The following COX4I2 variants were observed in gnomAD, a reference collection of about 807,000 sequenced individuals.
COX4I2 encodes the protein cytochrome c oxidase subunit 4 isoform 2, mitochondrial.
COX4I2 carries 15 observed loss-of-function variants against 20.8 expected under a neutral mutation model. The ratio of observed to expected loss-of-function variants is 0.72; its 90% CI spans 0.48 to 1.11. The LOEUF is 1.11. Among genes scored for constraint, COX4I2 ranks in the 50% most tolerant of loss-of-function variants. The pLI is 0.00. For missense variants in COX4I2, 224 were observed against 223.0 expected (o/e 1.00, Z -0.03); for synonymous variants, 80 against 78.1 (o/e 1.02, Z -0.13).
chr20:31,639,339 C>A, intron 2 of COX4I2: 2 of 957,122 alleles, frequency 2.1e-6, no homozygotes, highest in Non-Finnish European at 1.2e-6. Flanking sequence ...CCCCAAGCCT[C>A]AGGCCCCTAG....
rs766818155 is a variant in COX4I2 at position 31,639,114 on chromosome 20, C to T, written c.82+15C>T. On this transcript the variant is annotated intron_variant, in intron 2 of 4. Transcript: ENST00000376075. The stretch of plus-strand genomic sequence containing the variant: ...AGAAGGCACCAGTGAGACCTGGACT[C>T]CTTCCTCCCTGCCTAACTCCAGAGA... The T allele has an allele frequency of 3.6e-5, 57 of 1,598,510 alleles. No individual in the cohort carries two copies. Among genetic ancestry groups the T allele is most frequent in the South Asian group, 1.6e-4 (14 of 88,172 alleles).
At chr20:31,638,263 C>T (rs1040875936) in intron 1 of COX4I2, among the ~76,000 whole-genome samples, 3 of 151,946 alleles carry the variant, frequency 2.0e-5, no homozygotes, top group Non-Finnish European at 2.9e-5. Flanking sequence ...CACTTATCAC[C>T]TGTAGTGTGC....
chr20:31,640,960 C>CACAA (rs917585973), intron 3 of COX4I2, among the ~76,000 whole-genome samples: 9 of 139,852 alleles, frequency 6.4e-5, no homozygotes, highest in African/African-American at 2.3e-4. Flanking sequence ...TTTCTACACA[C>CACAA]ACACACACAC....
At chr20:31,642,688 C>T (rs6060443) in intron 3 of COX4I2, among the ~76,000 whole-genome samples, 9 of 152,184 alleles carry the variant, frequency 5.9e-5, no homozygotes, top group African/African-American at 2.2e-4. Context: ...TCCACCACCT[C>T]GGCCTCCCAA....
intron 3 of COX4I2, among the ~76,000 whole-genome samples, chr20:31,640,873 A>C (rs998510424): frequency 1.3e-5 from 2 of 151,914 alleles, no homozygotes; most frequent in Non-Finnish European, 2.9e-5. Flanking sequence ...GCTGTGAGCC[A>C]GCCAGGCTCC....
Position 31,640,039 on chromosome 20 carries a change from C to T in COX4I2, c.189C>T (p.Ala63=). 1.2e-6 allele frequency: 2 copies of T among 1,613,758 alleles called. No individual in the cohort carries two copies. The highest frequency in any genetic ancestry group is 1.7e-6 in the Non-Finnish European group (2 of 1,180,006). ...CAGAACTCAACGCTGAGGAGCAGGC[C>T]CTGAAGGAGAAGGAGAAGGGAAGCT... ...FCTELNAEEQ[A]LKEKEKGSWT... The change falls in exon 3 of 5, where the codon GCC becomes GCT. Residue 63 remains alanine, a synonymous_variant. Coordinates refer to ENST00000376075, the MANE Select transcript of COX4I2 (RefSeq NM_032609.3).
At chr20:31,644,113 C>T (rs750972620) in intron 4 of COX4I2, among the ~76,000 whole-genome samples, 12 of 152,174 alleles carry the variant, frequency 7.9e-5, no homozygotes, top group Non-Finnish European at 1.3e-4. Context: ...GCCCGGTGGC[C>T]TGTCCCCATA....
At chr20:31,643,588 A>G in intron 4 of COX4I2, 53 bp downstream of exon 4, 1 of 1,610,038 alleles carries the variant, frequency 6.2e-7, no homozygotes, top group Non-Finnish European at 8.5e-7. Context: ...CCTTGTGGTC[A>G]CGGCCACCAG....
chr20:31,639,505 C>G (rs1685949537), intron 2 of COX4I2, among the ~76,000 whole-genome samples: 1 of 150,554 alleles, frequency 6.6e-6, no homozygotes, highest in African/African-American at 2.5e-5. Flanking sequence ...TGGAGAATAA[C>G]AAAGATAACA....
chr20:31,643,443 A>G lies in COX4I2; in HGVS notation c.287A>G (p.Asn96Ser). The change falls in exon 4 of 5, where the codon AAC (asparagine) becomes AGC (serine). Residue 96 changes from asparagine (N) to serine (S), a missense_variant. By Grantham distance (46) the Asn-to-Ser change is conservative. Coordinates refer to ENST00000376075, the MANE Select transcript of COX4I2 (RefSeq NM_032609.3). ...LQFNETFAEM[N>S]RRSNEWKTVM... ...TTCAATGAGACCTTTGCGGAGATGA[A>G]CCGTCGCTCCAATGAGTGGAAGACA... The G allele has an allele frequency of 6.2e-7, 1 of 1,614,192 alleles. No homozygotes were observed. Among genetic ancestry groups the G allele is most frequent in the Non-Finnish European group, 8.5e-7 (1 of 1,180,032 alleles).
chr20:31,638,239 G>A (rs924532934), intron 1 of COX4I2, among the ~76,000 whole-genome samples: 1 of 151,930 alleles, frequency 6.6e-6, no homozygotes, highest in Non-Finnish European at 1.5e-5. Context: ...CCAGAAGTGT[G>A]GGCCGCCCCC....
Position 31,640,025 on chromosome 20 carries a change from G to T in COX4I2, c.175G>T (p.Ala59Ser). Reference protein sequence around the residue: ...PEEPFCTELNAEEQALKEKEK... With the variant: ...PEEPFCTELNSEEQALKEKEK... The stretch of plus-strand genomic sequence containing the variant: ...AGAGCCCTTCTGCACAGAACTCAAC[G>T]CTGAGGAGCAGGCCCTGAAGGAGAA... The change falls in exon 3 of 5, where the codon GCT (alanine) becomes TCT (serine). Residue 59 changes from alanine to serine, a missense_variant. Coordinates refer to ENST00000376075, the MANE Select transcript of COX4I2 (RefSeq NM_032609.3). 2 of 1,613,928 alleles carry T rather than the reference G, an allele frequency of 1.2e-6. No individual in the cohort carries two copies.
chr20:31,643,410 G>A lies in COX4I2; in HGVS notation c.254G>A (p.Arg85Gln), dbSNP rs764600142. ...CACACCCAACTGCCTCCAGTGTACC[G>A]GCTCCAGTTCAATGAGACCTTTGCG... ...LTHAEKVALY[R>Q]LQFNETFAEM... Residue 85 changes from arginine to glutamine, a missense_variant, in exon 4 of 5, where the codon CGG becomes CAG. Physicochemically the swap from Arg to Gln is conservative, Grantham distance 43. Transcript: ENST00000376075. 2.5e-5 allele frequency: 40 copies of A among 1,614,082 alleles called. No individual in the cohort carries two copies. Among genetic ancestry groups the A allele is most frequent in the East Asian group, 1.1e-4 (5 of 44,890 alleles).
rs772324132 is a variant in COX4I2, at chr20:31,639,147, AG to A, written c.82+52del. On this transcript the variant is annotated intron_variant, in intron 2 of 4. Transcript: ENST00000376075. ...CCTGCCTAACTCCAGAGATAGGGGCAGGGGTCCCCTCTGCAGGCTGCCCCCT... is the reference window on the plus strand; with the variant it reads ...CCTGCCTAACTCCAGAGATAGGGGCAGGGTCCCCTCTGCAGGCTGCCCCCT... 3 of 1,569,482 alleles carry A rather than the reference AG, an allele frequency of 1.9e-6. No individual in the cohort carries two copies. The African/African-American group carries it at 4.0e-5, about 21-fold the overall frequency.
In COX4I2 at chr20:31,640,010, T is replaced by C. The variant is rs1273223678; in HGVS notation, c.160T>C (p.Cys54Arg). Residue 54 changes from cysteine (C) to arginine (R), a missense_variant, in exon 3 of 5, where the codon TGC (cysteine) becomes CGC (arginine). Physicochemically the swap from Cys to Arg is radical, Grantham distance 180. Coordinates refer to ENST00000376075, the MANE Select transcript of COX4I2 (RefSeq NM_032609.3). ...RYYPMPEEPF[C>R]TELNAEEQAL... ...CTACCCCATGCCAGAAGAGCCCTTC[T>C]GCACAGAACTCAACGCTGAGGAGCA... 1.2e-6 allele frequency: 2 copies of C among 1,614,046 alleles called. No individual in the cohort carries two copies. Among genetic ancestry groups the C allele is most frequent in the Admixed American group, 3.3e-5 (2 of 60,018 alleles).
At chr20:31,638,339 C>T (rs1210889933) in intron 1 of COX4I2, among the ~76,000 whole-genome samples, 1 of 151,546 alleles carries the variant, frequency 6.6e-6, no homozygotes, top group African/African-American at 2.4e-5. Flanking sequence ...CCCTTCTTTT[C>T]CCCAGATGTG....
At chr20:31,639,311 GCTT>G (rs2060453205) in intron 2 of COX4I2, 65 of 984,380 alleles carry the variant, frequency 6.6e-5, no homozygotes, top group Admixed American at 1.2e-4. Context: ...TCCATTCCAA[GCTT>G]CCTTAGGAGC....
At chr20:31,644,150 T>G (rs1202037600) in intron 4 of COX4I2, among the ~76,000 whole-genome samples, 1 of 152,224 alleles carries the variant, frequency 6.6e-6, no homozygotes, top group Non-Finnish European at 1.5e-5. Flanking sequence ...TCTTACCTAC[T>G]TCCTACTTTC....
intron 1 of COX4I2, among the ~76,000 whole-genome samples, chr20:31,638,433 C>G (rs2060448167): frequency 6.7e-6 from 1 of 148,462 alleles, no homozygotes; most frequent in South Asian, 2.2e-4. Flanking sequence ...TGAGTCTTCC[C>G]TGGGGGTGGG....
Sources: gnomAD v4.1 joint callset for allele counts (sites outside exome capture counted in the v4.1 genomes callset) on GRCh38, gnomAD v4.1.1 for gene constraint, MANE v1.5 for transcripts, NCBI Gene and HGNC (gene_info 2026-07-23, HGNC 2026-07-21) for gene names.